The following NRDE2 variants were observed in gnomAD, a reference collection of about 807,000 sequenced individuals.
NRDE2 encodes the protein NRDE-2, necessary for RNA interference, domain containing.
In NRDE2, 76 loss-of-function variants were observed where a neutral mutation model predicts 124.2. The ratio of observed to expected loss-of-function variants is 0.61; its 90% confidence interval spans 0.51 to 0.74. The LOEUF (loss-of-function observed/expected upper bound fraction) is 0.74. Ranked by LOEUF, NRDE2 falls within the 30% of genes least tolerant of loss-of-function variation. The probability of loss-of-function intolerance (pLI) is 0.00; values close to 1 mark genes in which losing one functional copy is unlikely to be tolerated. For synonymous variants in NRDE2, 489 were observed against 528.1 expected (o/e 0.93, Z 1.01); for missense variants, 1,314 against 1,417.3 (o/e 0.93, Z 1.17).
chr14:90,286,055 A>T (rs1265928951), intron 12 of NRDE2, among the ~76,000 whole-genome samples: 1 of 152,258 alleles, frequency 6.6e-6, no homozygotes, highest in African/African-American at 2.4e-5. Flanking sequence ...GACTTAAGTC[A>T]ACTCAGAGAA....
chr14:90,312,650 T>G (rs928600058), intron 3 of NRDE2, 107 bp from the exon 4 acceptor site: 41 of 1,059,682 alleles, frequency 3.9e-5, no homozygotes, highest in Admixed American at 1.6e-4. Flanking sequence ...AAACTCCACA[T>G]GGCATCAAAC....
Position 90,278,611 on chromosome 14 carries a change from C to T in NRDE2, c.3370-150G>A, listed in dbSNP as rs571807331. The T allele has an allele frequency of 1.0e-5, 9 of 893,322 alleles. No homozygotes were observed. In the African/African-American group the frequency reaches 1.0e-4, roughly 10 times the overall value. 55.3% of individuals were successfully genotyped at this position (893,322 alleles called of 1,614,324 possible). ...CCCCTTGGCTGAGACTTTCTTAACT[C>T]GGGCAGCACTGGGCATGTTCAGGAA... On this transcript the variant is annotated intron_variant, in intron 13 of 13. Transcript: ENST00000354366.
intron 8 of NRDE2, among the ~76,000 whole-genome samples, chr14:90,297,442 G>A (rs1281038364): frequency 6.6e-6 from 1 of 151,828 alleles, no homozygotes; most frequent in African/African-American, 2.4e-5. Context: ...AATTACACAA[G>A]AGGCTCACAT....
At chr14:90,293,583 A>G (rs913038164) in intron 8 of NRDE2, among the ~76,000 whole-genome samples, 1 of 152,228 alleles carries the variant, frequency 6.6e-6, no homozygotes, top group African/African-American at 2.4e-5. Context: ...TTAAATAGCC[A>G]CATGTGGCTA....
chr14:90,289,941 T>C (rs1892225335), intron 10 of NRDE2, among the ~76,000 whole-genome samples: 1 of 152,222 alleles, frequency 6.6e-6, no homozygotes, highest in African/African-American at 2.4e-5. Flanking sequence ...AAAACTATTT[T>C]GAGCACTCAT....
chr14:90,308,968 C>T (rs1308642541), intron 4 of NRDE2, among the ~76,000 whole-genome samples: 1 of 152,136 alleles, frequency 6.6e-6, no homozygotes, highest in Middle Eastern at 3.4e-3. Flanking sequence ...ACAGGCCGGG[C>T]GTGGTGGCTC....
intron 4 of NRDE2, among the ~76,000 whole-genome samples, chr14:90,309,774 C>T (rs1884760395): frequency 6.6e-6 from 1 of 152,232 alleles, no homozygotes; most frequent in Non-Finnish European, 1.5e-5. Context: ...ATGGGATCAA[C>T]ATCTTCCCAG....
chr14:90,310,740 G>C (rs1211117926), intron 4 of NRDE2, among the ~76,000 whole-genome samples: 1 of 152,050 alleles, frequency 6.6e-6, no homozygotes, highest in Non-Finnish European at 1.5e-5. Flanking sequence ...GGCTGGTCTT[G>C]AACTCCTGAC....
chr14:90,278,169 CAA>C lies in NRDE2; in HGVS notation c.*165_*166del, dbSNP rs377613186. 1.1e-3 allele frequency: 785 copies of C among 708,688 alleles called. 12 individuals carry two copies. The South Asian group carries it at 0.014, about 12-fold the overall frequency. 43.9% of individuals were successfully genotyped at this position (708,688 alleles called of 1,614,324 possible). On this transcript the variant is annotated 3_prime_UTR_variant, in exon 14 of 14. Coordinates refer to ENST00000354366, the MANE Select transcript of NRDE2 (RefSeq NM_017970.4). ...ATAACTTTTGTGTCATTTACACACC[CAA>C]AAAGTGTGCAAGATGTGAGAGGCTG...
At chr14:90,314,237 G>C (rs1033868810) in intron 3 of NRDE2, among the ~76,000 whole-genome samples, 5 of 152,186 alleles carry the variant, frequency 3.3e-5, no homozygotes, top group Admixed American at 2.6e-4. Context: ...CCCTGAAACA[G>C]AGTCTCATAG....
In NRDE2 at chr14:90,272,015, C is replaced by G; in HGVS notation, c.*6321G>C. 3.4e-6 allele frequency: 1 copy of G among 290,862 alleles called. No individual in the cohort carries two copies. 18.0% of individuals were successfully genotyped at this position (290,862 alleles called of 1,614,324 possible). A position where few individuals can be genotyped will look rare whatever the true frequency, so the allele number is the denominator to read the frequency against. On this transcript the variant is annotated 3_prime_UTR_variant, in exon 14 of 14. Coordinates refer to ENST00000354366, the MANE Select transcript of NRDE2 (RefSeq NM_017970.4). This position sits in a 1 kb window ranked among gnomAD's most constrained non-coding sequence, Gnocchi z 4.5. The stretch of plus-strand genomic sequence containing the variant: ...TCAAGCAATTCTCCTGCCTCAGCCT[C>G]CCGAGTAGCTAGGATTACAGGTGCC...
intron 9 of NRDE2, 51 bp from the exon 10 acceptor site, chr14:90,290,658 C>A (rs1343245725): frequency 2.6e-6 from 4 of 1,542,366 alleles, no homozygotes; most frequent in Non-Finnish European, 3.5e-6. Flanking sequence ...AAAACCCGCA[C>A]ATTTGTCACA....
chr14:90,270,474 T>C lies in NRDE2; in HGVS notation c.*7862A>G. The C allele has an allele frequency of 4.4e-6, 5 of 1,133,146 alleles. No homozygotes were observed. In the African/African-American group the frequency reaches 7.8e-5, roughly 18 times the overall value. The allele number at this position is 1,133,146 out of a possible 1,614,324, so 70.2% of individuals were successfully genotyped here. A position where few individuals can be genotyped will look rare whatever the true frequency, so the allele number is the denominator to read the frequency against. On this transcript the variant is annotated 3_prime_UTR_variant, in exon 14 of 14. Coordinates refer to ENST00000354366, the MANE Select transcript of NRDE2 (RefSeq NM_017970.4). ...GTGGGTGTCTGTATTTTAATCATCA[T>C]ATTGGTTTACGATTACATCCAAATG...
intron 3 of NRDE2, among the ~76,000 whole-genome samples, chr14:90,314,245 T>C (rs1377752000): frequency 6.6e-6 from 1 of 152,200 alleles, no homozygotes. Flanking sequence ...CAGAGTCTCA[T>C]AGGGTCTGCT....
In NRDE2 at chr14:90,301,262, TC is replaced by T; in HGVS notation, c.1521del (p.Asp509IlefsTer61). 6.2e-7 allele frequency: 1 copy of T among 1,613,684 alleles called. No individual in the cohort carries two copies. Among genetic ancestry groups the T allele is most frequent in the Non-Finnish European group, 8.5e-7 (1 of 1,179,742 alleles). On this transcript the variant is annotated frameshift_variant, in exon 7 of 14. Coordinates refer to ENST00000354366, the MANE Select transcript of NRDE2 (RefSeq NM_017970.4). LOFTEE classifies it high-confidence loss of function. ...VDFTFFKPDS[V>X]KDLPTKGQVE... is the part of the protein sequence containing the mutation. ...ACCTGTCCTTTGGTAGGCAGATCTT[TC>T]ACGCTGTCGGGTTTGAAGAAGGTGA...
chr14:90,318,968 C>T (rs1885147991), intron 1 of NRDE2, among the ~76,000 whole-genome samples: 1 of 152,020 alleles, frequency 6.6e-6, no homozygotes, highest in African/African-American at 2.4e-5. Flanking sequence ...AAATAAAAAC[C>T]TAAGATGTTA....
chr14:90,281,775 T>G (rs904976115), intron 12 of NRDE2, among the ~76,000 whole-genome samples: 2 of 152,204 alleles, frequency 1.3e-5, no homozygotes, highest in African/African-American at 4.8e-5. Context: ...TAACAAAACA[T>G]AACCAACCTT....
At chr14:90,279,409 T>C (rs747907986) in intron 12 of NRDE2, 12 of 364,416 alleles carry the variant, frequency 3.3e-5, no homozygotes, top group Non-Finnish European at 5.0e-5. Context: ...ATCTCCTCCT[T>C]TGCTGTAGGC....
At position 90,269,366 on chromosome 14, in the gene NRDE2, CT is replaced by C; in HGVS notation, c.*8969del. ...CCCTTGAGCAGGCGATCAGTTGAGT[CT>C]TCATTCCTTCCCTTTTTTTTTTTCC... On this transcript the variant is annotated 3_prime_UTR_variant, in exon 14 of 14. Coordinates refer to ENST00000354366, the MANE Select transcript of NRDE2 (RefSeq NM_017970.4). 1.8e-5 allele frequency: 28 copies of C among 1,568,082 alleles called. No individual in the cohort carries two copies. The highest frequency in any genetic ancestry group is 2.4e-5 in the Non-Finnish European group (28 of 1,161,032).
Sources: allele counts gnomAD v4.1 joint callset (sites outside exome capture counted in the v4.1 genomes callset), GRCh38; gene constraint gnomAD v4.1.1; non-coding constraint Gnocchi (gnomAD v3.1); transcripts MANE v1.5; gene names NCBI Gene and HGNC (gene_info 2026-07-23, HGNC 2026-07-21).